The following TATDN2 variants were observed in gnomAD, a reference collection of about 807,000 sequenced individuals.
TATDN2 encodes TatD DNase domain containing 2.
TATDN2 carries 44 observed loss-of-function variants against 60.3 expected under a neutral mutation model. The ratio of observed to expected loss-of-function variants is 0.73; its 90% confidence interval spans 0.57 to 0.94. TATDN2 has a LOEUF of 0.94. Among genes scored for constraint, TATDN2 ranks in the 40% least tolerant of loss-of-function variants. TATDN2 has a pLI of 0.00. For synonymous variants in TATDN2, 399 were observed against 355.8 expected (o/e 1.12, Z -1.37); for missense variants, 997 against 948.0 (o/e 1.05, Z -0.68).
chr3:10,270,907 A>G lies in TATDN2; in HGVS notation c.1725A>G (p.Gln575=). The change falls in exon 4 of 8, where the codon CAA becomes CAG. Residue 575 remains glutamine (Q), a synonymous_variant. Transcript: ENST00000448281. ...PHFARYYSES[Q]ERNLLQALRH... ...TTGCACGTTACTACAGTGAGAGTCA[A>G]GAAAGAAATCTTTTGCAAGCCTTAA... The G allele has an allele frequency of 6.2e-7, 1 of 1,614,220 alleles. No individual in the cohort carries two copies. Among genetic ancestry groups the G allele is most frequent in the Non-Finnish European group, 8.5e-7 (1 of 1,180,050 alleles).
At chr3:10,275,776 AAC>A (rs371594441) in intron 4 of TATDN2, among the ~76,000 whole-genome samples, 71,985 of 108,560 alleles carry the variant, frequency 0.66, 18,143 homozygotes, top group East Asian at 0.77. Flanking sequence ...AACAAAAAAA[AAC>A]AAAGCAAGTT....
At chr3:10,265,059 T>C (rs1282125480) in intron 3 of TATDN2, among the ~76,000 whole-genome samples, 1 of 138,050 alleles carries the variant, frequency 7.2e-6, no homozygotes, top group African/African-American at 2.6e-5. Flanking sequence ...TTTTTTTTTT[T>C]ATTGCTGCCA....
At chr3:10,253,987 C>T (rs760343051) in intron 2 of TATDN2, among the ~76,000 whole-genome samples, 42 of 152,180 alleles carry the variant, frequency 2.8e-4, no homozygotes, top group African/African-American at 3.1e-4. Context: ...GGTGGCAAGA[C>T]GAAGGTGCCA....
Position 10,278,769 on chromosome 3 carries a change from G to T in TATDN2, c.2146-116G>T. 3 of 1,496,738 alleles carry T rather than the reference G, an allele frequency of 2.0e-6. No individual in the cohort carries two copies. The highest frequency in any genetic ancestry group is 1.8e-6 in the Non-Finnish European group (2 of 1,094,002). The allele number at this position is 1,496,738 out of a possible 1,614,324, so 92.7% of individuals were successfully genotyped here. On this transcript the variant is annotated intron_variant, in intron 6 of 7. Coordinates refer to ENST00000448281, the MANE Select transcript of TATDN2 (RefSeq NM_014760.4). This position sits in a 1 kb window ranked among gnomAD's most constrained non-coding sequence, Gnocchi z 4.7. ...TCTCCCTGCACCTGCAGGTAAAGGG[G>T]TCTCTACAGGGCAGCCCCAAAGAGG...
At chr3:10,276,037 G>A (rs1698631917) in intron 4 of TATDN2, among the ~76,000 whole-genome samples, 1 of 152,168 alleles carries the variant, frequency 6.6e-6, no homozygotes, top group Admixed American at 6.5e-5. Flanking sequence ...ATCATATAGT[G>A]GTTACTGTGT....
At chr3:10,273,078 C>T (rs922297924) in intron 4 of TATDN2, among the ~76,000 whole-genome samples, 7 of 152,038 alleles carry the variant, frequency 4.6e-5, no homozygotes, top group Non-Finnish European at 8.8e-5. Flanking sequence ...GTCCATGGGG[C>T]GACCTGCACA....
At chr3:10,260,009 C>A in intron 2 of TATDN2, 128 bp from the exon 3 acceptor site, 2 of 1,114,052 alleles carry the variant, frequency 1.8e-6, no homozygotes, top group South Asian at 1.6e-5. Context: ...CCGGAGAGAA[C>A]CTTTGCCTTA....
chr3:10,267,854 C>T (rs1298836838), intron 3 of TATDN2, among the ~76,000 whole-genome samples: 5 of 152,050 alleles, frequency 3.3e-5, no homozygotes, highest in Non-Finnish European at 7.3e-5. Flanking sequence ...CAAAAGTAGA[C>T]TTGTAGTTCC....
chr3:10,279,405 A>AC lies in TATDN2; in HGVS notation c.*224dup, dbSNP rs970355881. 4.7e-6 allele frequency: 1 copy of AC among 213,434 alleles called. No individual in the cohort carries two copies. Among genetic ancestry groups the AC allele is most frequent in the African/African-American group, 2.4e-5 (1 of 42,254 alleles). 13.2% of individuals were successfully genotyped at this position (213,434 alleles called of 1,614,324 possible). A position where few individuals can be genotyped will look rare whatever the true frequency, so the allele number is the denominator to read the frequency against. On this transcript the variant is annotated 3_prime_UTR_variant, in exon 8 of 8. Coordinates refer to ENST00000448281, the MANE Select transcript of TATDN2 (RefSeq NM_014760.4). ...TGGGCATGGAATGAGGGGTATGGGG[A>AC]CTGCCTGTAATAGCACTGGGATTTT...
chr3:10,278,567 G>T lies in TATDN2; in HGVS notation c.2145+105G>T. The T allele has an allele frequency of 4.8e-6, 7 of 1,470,836 alleles. No individual in the cohort carries two copies. Among genetic ancestry groups the T allele is most frequent in the Non-Finnish European group, 6.6e-6 (7 of 1,057,752 alleles). 91.1% of individuals were successfully genotyped at this position (1,470,836 alleles called of 1,614,324 possible). ...GGGCCAGAGCCCCAGTGACTTCCAGGTCCCATCCTGGGCTGTGTAGATGCC... is the reference window on the plus strand; with the variant it reads ...GGGCCAGAGCCCCAGTGACTTCCAGTTCCCATCCTGGGCTGTGTAGATGCC... On this transcript the variant is annotated intron_variant, in intron 6 of 7. Coordinates refer to ENST00000448281, the MANE Select transcript of TATDN2 (RefSeq NM_014760.4). This position sits in a 1 kb window ranked among gnomAD's most constrained non-coding sequence, Gnocchi z 4.7.
intron 3 of TATDN2, among the ~76,000 whole-genome samples, chr3:10,266,855 C>T (rs9872267): frequency 6.6e-6 from 1 of 152,012 alleles, no homozygotes; most frequent in East Asian, 1.9e-4. Context: ...TTACTCTTTG[C>T]TCAGTGCCCA....
chr3:10,259,539 A>T lies in TATDN2; in HGVS notation c.415-598A>T, dbSNP rs138020784. On this transcript the variant is annotated intron_variant, in intron 2 of 7. Coordinates refer to ENST00000448281, the MANE Select transcript of TATDN2 (RefSeq NM_014760.4). ...TGAGGCTTCACTTCCGTCTTGGAGG[A>T]GGTTTGTTGTTGGGAGCAGTCTATC... Among the ~76,000 whole-genome samples, 1,228 of 152,156 alleles carry T rather than the reference A, an allele frequency of 8.1e-3. 15 individuals carry two copies. The highest frequency in any genetic ancestry group is 0.028 in the African/African-American group (1,180 of 41,488).
chr3:10,261,007 T>G (rs1481825106), intron 3 of TATDN2, among the ~76,000 whole-genome samples: 1 of 152,220 alleles, frequency 6.6e-6, no homozygotes, highest in Non-Finnish European at 1.5e-5. Context: ...CTGGTACCTT[T>G]TGTCTTGATT....
At chr3:10,271,044 A>G (rs1245353589) in intron 4 of TATDN2, 29 bp downstream of exon 4, 2 of 1,507,586 alleles carry the variant, frequency 1.3e-6, no homozygotes, top group Non-Finnish European at 8.8e-7. Context: ...GTCTGCTTAT[A>G]GTTTTAATTT....
intron 2 of TATDN2, among the ~76,000 whole-genome samples, chr3:10,252,976 C>T (rs1165062462): frequency 1.3e-5 from 2 of 151,836 alleles, no homozygotes; most frequent in Admixed American, 1.3e-4. Context: ...CCTTCCTCAG[C>T]CTCCCCAGCA....
At chr3:10,262,392 T>G (rs1394071160) in intron 3 of TATDN2, among the ~76,000 whole-genome samples, 1 of 152,144 alleles carries the variant, frequency 6.6e-6, no homozygotes, top group Non-Finnish European at 1.5e-5. Flanking sequence ...TGGAGAAACT[T>G]TTTTTGGTAA....
rs1324961918 is a variant in TATDN2 at position 10,278,395 on chromosome 3, C to G, written c.2078C>G (p.Ala693Gly). 6.2e-7 allele frequency: 1 copy of G among 1,614,186 alleles called. No individual in the cohort carries two copies. Among genetic ancestry groups the G allele is most frequent in the South Asian group, 1.1e-5 (1 of 91,086 alleles). Residue 693 changes from alanine to glycine, a missense_variant, in exon 6 of 8, where the codon GCC becomes GGC. Ala to Gly is a moderately conservative substitution (Grantham distance 60, BLOSUM62 0). Transcript: ENST00000448281. The surrounding 1 kb of genome is among the most constrained non-coding windows in gnomAD (Gnocchi z 4.7). ...TYSSAWEARE[A>G]LRQIPLERII... ...TCCTCTGCCTGGGAGGCCCGGGAAG[C>G]CTTGAGGCAGATCCCACTGGAGAGA...
chr3:10,268,616 C>G (rs898459898), intron 3 of TATDN2, among the ~76,000 whole-genome samples: 1 of 152,190 alleles, frequency 6.6e-6, no homozygotes, highest in Non-Finnish European at 1.5e-5. Context: ...ATGCAGATTC[C>G]TTGGCCCCAC....
intron 2 of TATDN2, among the ~76,000 whole-genome samples, chr3:10,254,184 T>C (rs1698270001): frequency 6.6e-6 from 1 of 152,160 alleles, no homozygotes; most frequent in Non-Finnish European, 1.5e-5. Context: ...AATCGGGCCA[T>C]GCTTCACAGA....
Sources: gnomAD v4.1 joint callset for allele counts (sites outside exome capture counted in the v4.1 genomes callset) on GRCh38, gnomAD v4.1.1 for gene constraint, Gnocchi (gnomAD v3.1) non-coding constraint, MANE v1.5 for transcripts, NCBI Gene and HGNC (gene_info 2026-07-23, HGNC 2026-07-21) for gene names.